The following GALNT14 variants were observed in gnomAD, a reference collection of about 807,000 sequenced individuals.
GALNT14 encodes UDP-GalNAc:polypeptide N-acetylgalactosaminyltransferase 14.
A neutral mutation model predicts 77.5 loss-of-function variants in GALNT14; 60 were observed. The ratio of observed to expected loss-of-function variants is 0.77; its 90% confidence interval spans 0.63 to 0.96. GALNT14 has a LOEUF of 0.96. Among genes scored for constraint, GALNT14 ranks in the 40% least tolerant of loss-of-function variants. The pLI is 0.00. For synonymous variants in GALNT14, 280 were observed against 281.7 expected, an observed-to-expected ratio of 0.99 and a Z score of 0.06; for missense variants, 710 against 731.0, an observed-to-expected ratio of 0.97 and a Z score of 0.33.
At chr2:30,939,872 G>T (rs1220710767) in intron 9 of GALNT14, among the ~76,000 whole-genome samples, 2 of 151,956 alleles carry the variant, frequency 1.3e-5, no homozygotes, top group Non-Finnish European at 2.9e-5. Flanking sequence ...TGATCTTCAC[G>T]GGGACCCTCT....
At chr2:30,918,891 C>T (rs550449887) in intron 13 of GALNT14, among the ~76,000 whole-genome samples, 61 of 150,662 alleles carry the variant, frequency 4.0e-4, no homozygotes, top group South Asian at 1.9e-3. Context: ...AGGGTGGCAT[C>T]GGGCAGGGAG....
chr2:30,887,101 C>A, the GALNT14 span, among the ~76,000 whole-genome samples: 4 of 152,154 alleles, frequency 2.6e-5, no homozygotes, highest in Non-Finnish European at 4.4e-5. Flanking sequence ...ATGTATACAC[C>A]ACCATTTGTT....
intron 3 of GALNT14, among the ~76,000 whole-genome samples, chr2:30,959,674 C>T (rs1414332258): frequency 1.3e-5 from 2 of 152,178 alleles, no homozygotes; most frequent in African/African-American, 2.4e-5. Flanking sequence ...CAAATGGTTG[C>T]AATTTTTTAT....
At chr2:31,016,971 C>A (rs776398150) in intron 1 of GALNT14, among the ~76,000 whole-genome samples, 4 of 152,166 alleles carry the variant, frequency 2.6e-5, no homozygotes, top group Admixed American at 1.3e-4. Flanking sequence ...GCTGGACGAA[C>A]CGTACACATT....
intron 1 of GALNT14, among the ~76,000 whole-genome samples, chr2:31,047,664 G>C (rs1285543180): frequency 6.6e-6 from 1 of 152,180 alleles, no homozygotes; most frequent in Non-Finnish European, 1.5e-5. Context: ...AGGTGCACTC[G>C]AGCAAGGGTT....
At chr2:31,070,289 G>C (rs1046115169) in intron 1 of GALNT14, among the ~76,000 whole-genome samples, 2 of 152,156 alleles carry the variant, frequency 1.3e-5, no homozygotes, top group Non-Finnish European at 2.9e-5. Context: ...ATAAACATAA[G>C]AGATCAGTTT....
At chr2:31,027,886 C>CTGTGTGTGTGTGTGTGTGTGTG (rs10562223) in intron 1 of GALNT14, among the ~76,000 whole-genome samples, 5,685 of 141,660 alleles carry the variant, frequency 0.04, 185 homozygotes, top group East Asian at 0.07. Context: ...CAGATGTATT[C>CTGTGTGTGTGTGTGTGTGTGTG]TGTGTGTGTG....
intron 1 of GALNT14, among the ~76,000 whole-genome samples, chr2:30,996,061 A>G (rs1410163668): frequency 2.0e-5 from 3 of 152,194 alleles, no homozygotes; most frequent in African/African-American, 4.8e-5. Flanking sequence ...GGGGCCACCA[A>G]CGCTGGGGAG....
intron 1 of GALNT14, chr2:31,126,645 C>T (rs1026095496): frequency 3.9e-5 from 6 of 152,210 alleles, no homozygotes; most frequent in Admixed American, 2.6e-4. Flanking sequence ...AGCTCACTCA[C>T]ATCACATAAT....
the GALNT14 span, among the ~76,000 whole-genome samples, chr2:30,890,088 T>C: frequency 6.6e-6 from 1 of 152,160 alleles, no homozygotes; most frequent in Non-Finnish European, 1.5e-5. Flanking sequence ...CTCCTGGCCA[T>C]TGAATCATCA....
At chr2:31,024,739 C>T (rs893571166) in intron 1 of GALNT14, among the ~76,000 whole-genome samples, 1 of 152,150 alleles carries the variant, frequency 6.6e-6, no homozygotes, top group South Asian at 2.1e-4. Flanking sequence ...TCCCTAACAC[C>T]CAGTCCAGAC....
intron 1 of GALNT14, among the ~76,000 whole-genome samples, chr2:31,093,412 G>A (rs1445727358): frequency 6.6e-6 from 1 of 152,182 alleles, no homozygotes; most frequent in Non-Finnish European, 1.5e-5. Flanking sequence ...ATGTCATTAT[G>A]GTGGAACAAG....
chr2:30,916,030 G>C (rs936579726), intron 13 of GALNT14, among the ~76,000 whole-genome samples: 1 of 152,086 alleles, frequency 6.6e-6, no homozygotes, highest in African/African-American at 2.4e-5. Context: ...AGTTTTATTG[G>C]GGTCTGAAGG....
intron 4 of GALNT14, among the ~76,000 whole-genome samples, chr2:30,956,937 G>C (rs544046138): frequency 3.9e-5 from 6 of 152,232 alleles, no homozygotes; most frequent in Admixed American, 2.0e-4. Flanking sequence ...CTTTTGGAAG[G>C]GTCCCACTCA....
intron 1 of GALNT14, among the ~76,000 whole-genome samples, chr2:31,093,403 T>C (rs1377714527): frequency 6.6e-6 from 1 of 152,204 alleles, no homozygotes. Flanking sequence ...CTTGAAGTAA[T>C]GTCATTATGG....
At chr2:31,002,005 G>A (rs557325091) in intron 1 of GALNT14, among the ~76,000 whole-genome samples, 5 of 152,232 alleles carry the variant, frequency 3.3e-5, no homozygotes, top group Admixed American at 6.5e-5. Flanking sequence ...TATAATCTGC[G>A]AAGCATTTTC....
chr2:30,904,307 T>C, the GALNT14 span, among the ~76,000 whole-genome samples: 2 of 152,192 alleles, frequency 1.3e-5, no homozygotes, highest in South Asian at 4.1e-4. Context: ...ACGGGGTTCA[T>C]CTCTTTAGGA....
chr2:31,127,856 T>C (rs1269643683), intron 1 of GALNT14, among the ~76,000 whole-genome samples: 4 of 152,168 alleles, frequency 2.6e-5, no homozygotes, highest in South Asian at 2.1e-4. Context: ...GGCTTCCAAG[T>C]GGAGAGGGAA....
intron 1 of GALNT14, among the ~76,000 whole-genome samples, chr2:31,065,669 C>G (rs953295459): frequency 2.6e-5 from 4 of 152,114 alleles, no homozygotes; most frequent in African/African-American, 7.2e-5. Context: ...GATTTGCAGA[C>G]TGTATTGAAA....
Sources: gnomAD v4.1 joint callset for allele counts (sites outside exome capture counted in the v4.1 genomes callset) on GRCh38, gnomAD v4.1.1 for gene constraint, MANE v1.5 for transcripts, NCBI Gene and HGNC (gene_info 2026-07-23, HGNC 2026-07-21) for gene names.